SSBP2: variants seen among roughly 807,000 people sequenced by gnomAD.
The protein encoded by SSBP2 is single-stranded DNA-binding protein 2.
Under a neutral mutation model 61.8 loss-of-function variants are expected in SSBP2, and 17 were observed. That is an observed-to-expected ratio of 0.28 (90% CI 0.19 to 0.41). The LOEUF (loss-of-function observed/expected upper bound fraction) is 0.41, where lower values mean the gene tolerates loss of function less well. Ranked by LOEUF, SSBP2 falls within the 10% of genes least tolerant of loss-of-function variation. The probability of loss-of-function intolerance (pLI) is 1.00; values close to 1 mark genes in which losing one functional copy is unlikely to be tolerated. For missense variants in SSBP2, 310 were observed against 458.7 expected (o/e 0.68, Z 2.96); for synonymous variants, 139 against 141.3 (o/e 0.98, Z 0.12).
intron 4 of SSBP2, among the ~76,000 whole-genome samples, chr5:81,534,270 C>T (rs968280180): frequency 4.6e-5 from 7 of 152,230 alleles, no homozygotes; most frequent in African/African-American, 9.6e-5. Context: ...AGCCTATTTA[C>T]AGCAGTTCCT....
rs187918732 is a variant in SSBP2, at chr5:81,750,676, C to T, written c.62+305G>A. On this transcript the variant is annotated intron_variant, in intron 1 of 16. Transcript: ENST00000320672. The stretch of plus-strand genomic sequence containing the variant: ...TCTAAAGTTACTTTGGAAGGTGAAC[C>T]CGCGGGTTATTTCCCTCAATCACCC... 155 of 421,138 alleles carry T rather than the reference C, an allele frequency of 3.7e-4. 2 individuals are homozygous for T. In the East Asian group the frequency reaches 7.2e-3, roughly 20 times the overall value. 26.1% of individuals were successfully genotyped at this position (421,138 alleles called of 1,614,324 possible).
intron 9 of SSBP2, among the ~76,000 whole-genome samples, chr5:81,466,172 T>G (rs1487978110): frequency 6.6e-6 from 1 of 152,038 alleles, no homozygotes; most frequent in Non-Finnish European, 1.5e-5. Flanking sequence ...GTAAATTTTC[T>G]TTAGGCCACA....
intron 8 of SSBP2, among the ~76,000 whole-genome samples, chr5:81,468,910 T>C (rs1765066143): frequency 1.3e-5 from 2 of 151,976 alleles, no homozygotes; most frequent in Non-Finnish European, 2.9e-5. Flanking sequence ...GGATCAGGCA[T>C]GGTGGTGGCA....
At chr5:81,437,913 C>G (rs569131782) in intron 14 of SSBP2, 6 of 151,990 alleles carry the variant, frequency 3.9e-5, no homozygotes, top group African/African-American at 1.4e-4. Flanking sequence ...ACTATAATAA[C>G]CAAAAGCTAA....
chr5:81,456,573 A>G (rs1318732511), intron 10 of SSBP2, among the ~76,000 whole-genome samples: 1 of 152,052 alleles, frequency 6.6e-6, no homozygotes, highest in African/African-American at 2.4e-5. Flanking sequence ...AACTTGTACA[A>G]AGATCAGAAT....
intron 4 of SSBP2, among the ~76,000 whole-genome samples, chr5:81,525,917 G>A (rs1769896885): frequency 6.6e-6 from 1 of 151,986 alleles, no homozygotes. Context: ...TCTTTAAAAC[G>A]TCTTTGTCAC....
intron 1 of SSBP2, among the ~76,000 whole-genome samples, chr5:81,749,545 C>T (rs1193413276): frequency 6.6e-6 from 1 of 152,112 alleles, no homozygotes; most frequent in African/African-American, 2.4e-5. Context: ...TTGAGAGATG[C>T]TCTCAGACTT....
chr5:81,732,469 A>T (rs1157932040), intron 1 of SSBP2, among the ~76,000 whole-genome samples: 3 of 152,170 alleles, frequency 2.0e-5, no homozygotes, highest in Non-Finnish European at 2.9e-5. Flanking sequence ...AAGCTATCAC[A>T]ACTCTACCAA....
intron 15 of SSBP2, among the ~76,000 whole-genome samples, chr5:81,432,933 G>A (rs540158856): frequency 7.4e-6 from 1 of 135,870 alleles, no homozygotes; most frequent in East Asian, 2.1e-4. Context: ...GGAGGGAGGT[G>A]GGGGGGGTCA....
chr5:81,438,468 A>T (rs935899703), intron 14 of SSBP2, among the ~76,000 whole-genome samples: 1 of 152,200 alleles, frequency 6.6e-6, no homozygotes, highest in Non-Finnish European at 1.5e-5. Context: ...TTTTCCTAGC[A>T]TAAAAATAAT....
At chr5:81,534,974 C>T (rs1408812014) in intron 4 of SSBP2, among the ~76,000 whole-genome samples, 4 of 151,966 alleles carry the variant, frequency 2.6e-5, no homozygotes, top group Non-Finnish European at 4.4e-5. Context: ...CGCACACACA[C>T]ACACACCCCT....
intron 1 of SSBP2, among the ~76,000 whole-genome samples, chr5:81,692,371 G>T (rs182802236): frequency 0.03 from 4,616 of 152,126 alleles, 182 homozygotes; most frequent in African/African-American, 0.1. Context: ...CAAAAAAAAT[G>T]GAAAGATATT....
intron 4 of SSBP2, among the ~76,000 whole-genome samples, chr5:81,519,735 G>A (rs917553393): frequency 6.6e-6 from 1 of 152,048 alleles, no homozygotes; most frequent in Non-Finnish European, 1.5e-5. Context: ...TGACTTCGTG[G>A]AGCAGAGTCT....
chr5:81,431,500 A>G (rs951010916), intron 15 of SSBP2, among the ~76,000 whole-genome samples: 5 of 152,276 alleles, frequency 3.3e-5, no homozygotes, highest in Admixed American at 2.6e-4. Flanking sequence ...CACACATAAT[A>G]CACCACAAAC....
At chr5:81,749,902 C>T (rs1048769914) in intron 1 of SSBP2, among the ~76,000 whole-genome samples, 6 of 152,194 alleles carry the variant, frequency 3.9e-5, no homozygotes, top group African/African-American at 1.4e-4. Flanking sequence ...CAAGCGGCTC[C>T]TTCCCACCTG....
At chr5:81,693,925 A>G (rs998864485) in intron 1 of SSBP2, among the ~76,000 whole-genome samples, 3 of 152,196 alleles carry the variant, frequency 2.0e-5, no homozygotes, top group Admixed American at 2.0e-4. Flanking sequence ...TTTGGAAGCA[A>G]TCTTAGCGTC....
intron 10 of SSBP2, among the ~76,000 whole-genome samples, chr5:81,456,934 T>C (rs1764204034): frequency 6.6e-6 from 1 of 152,166 alleles, no homozygotes. Flanking sequence ...CTGAACCCTG[T>C]AGGGATGGAC....
chr5:81,418,901 A>G lies in SSBP2; in HGVS notation c.*1603T>C, dbSNP rs188770779. On this transcript the variant is annotated 3_prime_UTR_variant, in exon 17 of 17. Coordinates refer to ENST00000320672, the MANE Select transcript of SSBP2 (RefSeq NM_012446.5). ...ACTATAAGCCTAAAGGAAAGAGAAG[A>G]TTCCTCTTACCTGCAATTAAACAAT... The G allele has an allele frequency of 9.8e-5, 15 of 152,316 alleles. No homozygotes were observed. The East Asian group carries it at 2.5e-3, about 25-fold the overall frequency. 9.4% of individuals were successfully genotyped at this position (152,316 alleles called of 1,614,324 possible).
At chr5:81,554,959 A>T (rs1772482105) in intron 4 of SSBP2, among the ~76,000 whole-genome samples, 1 of 152,160 alleles carries the variant, frequency 6.6e-6, no homozygotes, top group Non-Finnish European at 1.5e-5. Context: ...TGAACTTTAT[A>T]GTGAGCATCT....
Sources: allele counts gnomAD v4.1 joint callset (sites outside exome capture counted in the v4.1 genomes callset), GRCh38; gene constraint gnomAD v4.1.1; transcripts MANE v1.5; gene names NCBI Gene and HGNC (gene_info 2026-07-23, HGNC 2026-07-21).